Variants in COPG1 observed in about 807,000 individuals in gnomAD.
COPG1 encodes the protein coat protein complex I subunit gamma 1.
COPG1 carries 29 observed loss-of-function variants against 102.8 expected under a neutral mutation model. The ratio of observed to expected loss-of-function variants is 0.28; its 90% CI spans 0.21 to 0.38. The LOEUF (loss-of-function observed/expected upper bound fraction) is 0.38, where lower values mean the gene tolerates loss of function less well. Among genes scored for constraint, COPG1 ranks in the 10% least tolerant of loss-of-function variants. COPG1 has a pLI of 1.00. For synonymous variants in COPG1, 406 were observed against 421.6 expected (o/e 0.96, Z 0.45); for missense variants, 875 against 1,132.7 (o/e 0.77, Z 3.27).
At chr3:129,263,827 T>C in intron 12 of COPG1, 77 bp from the exon 13 acceptor site, 2 of 1,246,022 alleles carry the variant, frequency 1.6e-6, no homozygotes, top group Non-Finnish European at 2.4e-6. Context: ...AAGGAAGGAC[T>C]CAGTGGGCAC....
At chr3:129,259,795 C>A (rs1456187742) in intron 10 of COPG1, among the ~76,000 whole-genome samples, 1 of 152,136 alleles carries the variant, frequency 6.6e-6, no homozygotes, top group Non-Finnish European at 1.5e-5. Flanking sequence ...GGAAATAAAC[C>A]ATTTGTTTAA....
intron 14 of COPG1, among the ~76,000 whole-genome samples, 177 bp downstream of exon 14, chr3:129,265,969 TTTTTG>T (rs1461003230): frequency 1.3e-5 from 2 of 150,366 alleles, no homozygotes; most frequent in African/African-American, 4.9e-5. Flanking sequence ...AGTTCTTTGT[TTTTTG>T]TTTTGTTTTT....
In COPG1 at chr3:129,254,707, G is replaced by T. The variant is rs754427143; in HGVS notation, c.363G>T (p.Arg121=). Residue 121 remains arginine (R), a synonymous_variant, in exon 6 of 24, where the codon CGG becomes CGT. Coordinates refer to ENST00000314797, the MANE Select transcript of COPG1 (RefSeq NM_016128.4). ...KDMTGKEDNY[R]GPAVRALCQI... ...TGACTGGGAAAGAAGACAACTACCG[G>T]GGCCCGGCCGTGCGAGCCCTCTGCC... is the stretch of plus-strand genomic sequence containing the variant. The T allele has an allele frequency of 6.2e-6, 10 of 1,613,996 alleles. No homozygotes were observed. In the East Asian group the frequency reaches 1.8e-4, roughly 29 times the overall value.
chr3:129,259,239 G>A (rs190380540), intron 10 of COPG1, among the ~76,000 whole-genome samples: 48 of 152,178 alleles, frequency 3.2e-4, no homozygotes, highest in Admixed American at 5.9e-4. Flanking sequence ...GAGGCAGGGG[G>A]ATCACCAGGT....
chr3:129,267,027 C>CT lies in COPG1; in HGVS notation c.1473dup (p.Val492CysfsTer12). ...CACATTCGCTTCCTAAACACAGGTGCTGTGAGTGCTCTGGCGAAGTTTGGA... is the reference window on the plus strand; with the variant it reads ...CACATTCGCTTCCTAAACACAGGTGCTTGTGAGTGCTCTGGCGAAGTTTGGA... On this transcript the variant is annotated frameshift_variant, in exon 15 of 24. Coordinates refer to ENST00000314797, the MANE Select transcript of COPG1 (RefSeq NM_016128.4). LOFTEE classifies it high-confidence loss of function. 5 of 1,613,428 alleles carry CT rather than the reference C, an allele frequency of 3.1e-6. No homozygotes were observed. The highest frequency in any genetic ancestry group is 3.4e-6 in the Non-Finnish European group (4 of 1,179,556).
At chr3:129,252,548 G>A (rs904416621) in intron 3 of COPG1, 75 bp from the exon 4 acceptor site, 13 of 1,287,256 alleles carry the variant, frequency 1.0e-5, no homozygotes, top group Middle Eastern at 1.8e-4. Flanking sequence ...CTGGGGATCT[G>A]GTGTGGGCTG....
chr3:129,266,703 G>A (rs1186030548), intron 14 of COPG1, among the ~76,000 whole-genome samples: 5 of 152,128 alleles, frequency 3.3e-5, no homozygotes, highest in Non-Finnish European at 5.9e-5. Context: ...GGATATGGAA[G>A]GTGAGGAGCT....
chr3:129,271,822 G>A lies in COPG1; in HGVS notation c.1899G>A (p.Ser633=). The stretch of plus-strand genomic sequence containing the variant: ...GTCTTGGGCCCCTCTTCAAGTCCTC[G>A]CCTGAGCCCGTGGCCCTCACCGAGT... ...FRGLGPLFKS[S]PEPVALTESE... is the part of the protein sequence containing the mutation. Residue 633 remains serine (S), a synonymous_variant, in exon 19 of 24, where the codon TCG becomes TCA. Coordinates refer to ENST00000314797, the MANE Select transcript of COPG1 (RefSeq NM_016128.4). This position sits in a 1 kb window ranked among gnomAD's most constrained non-coding sequence, Gnocchi z 4.7. 3.1e-6 allele frequency: 5 copies of A among 1,614,178 alleles called. No individual in the cohort carries two copies. The highest frequency in any genetic ancestry group is 1.3e-5 in the African/African-American group (1 of 75,040).
intron 21 of COPG1, chr3:129,274,163 G>C: frequency 2.2e-6 from 1 of 451,068 alleles, no homozygotes; most frequent in Non-Finnish European, 4.4e-6. Flanking sequence ...AGCTGGGTCT[G>C]TTTGAGCCCA....
Position 129,275,232 on chromosome 3 carries a change from C to A in COPG1, c.2434C>A (p.Pro812Thr). ...GNIVKFLGMH[P>T]CERSDKVPDN... ...TATTGTGAAGTTCTTGGGAATGCAC[C>A]CTTGTGAGAGGTCAGACAAAGTGCC... The change falls in exon 23 of 24, where the codon CCT becomes ACT. Residue 812 changes from proline to threonine, a missense_variant. Pro to Thr is a conservative substitution (Grantham distance 38). Transcript: ENST00000314797. The surrounding 1 kb of genome is among the most constrained non-coding windows in gnomAD (Gnocchi z 5.0). 5 of 1,614,018 alleles carry A rather than the reference C, an allele frequency of 3.1e-6. No homozygotes were observed. The highest frequency in any genetic ancestry group is 4.2e-6 in the Non-Finnish European group (5 of 1,180,006).
rs992180825 is a variant in COPG1, at chr3:129,275,609, T to C, written c.2494+317T>C. Among the ~76,000 whole-genome samples the C allele has an allele frequency of 6.6e-6, 1 of 152,198 alleles. No homozygotes were observed. Among genetic ancestry groups the C allele is most frequent in the Non-Finnish European group, 1.5e-5 (1 of 68,040 alleles). On this transcript the variant is annotated intron_variant, in intron 23 of 23. Coordinates refer to ENST00000314797, the MANE Select transcript of COPG1 (RefSeq NM_016128.4). The surrounding 1 kb of genome is among the most constrained non-coding windows in gnomAD (Gnocchi z 5.0). ...CAAATGTTTATGTACAAATGGTATATATATTGTCCTCCGATTTGCTTTTCA... is the reference window on the plus strand; with the variant it reads ...CAAATGTTTATGTACAAATGGTATACATATTGTCCTCCGATTTGCTTTTCA...
At chr3:129,254,826 C>T (rs1370851311) in intron 6 of COPG1, 83 bp downstream of exon 6, 6 of 1,356,960 alleles carry the variant, frequency 4.4e-6, no homozygotes, top group African/African-American at 2.9e-5. Context: ...GGGGTGTCCC[C>T]TATCACTGAG....
rs1939912093 is a variant in COPG1 at position 129,260,822 on chromosome 3, C to T, written c.1128+15C>T. ...ATGAATTCAAGGTACCTGCTACCCC[C>T]AGGACACCCACGGCCCCCAGAGGAA... On this transcript the variant is annotated intron_variant, in intron 12 of 23. Transcript: ENST00000314797. The T allele has an allele frequency of 6.2e-7, 1 of 1,610,750 alleles. No individual in the cohort carries two copies.
In COPG1 at chr3:129,272,231, C is replaced by CT. The variant is rs1560068207; in HGVS notation, c.1987-10dup. On this transcript the variant is annotated splice_polypyrimidine_tract_variant and intron_variant, in intron 19 of 23. Transcript: ENST00000314797. The stretch of plus-strand genomic sequence containing the variant: ...TAGTGCAATGTTTAAGCTCCCCTCT[C>CT]TTTCCTGTTCAGTTTGACTGCACAA... 6.2e-7 allele frequency: 1 copy of CT among 1,612,774 alleles called. No homozygotes were observed. The highest frequency in any genetic ancestry group is 2.2e-5 in the East Asian group (1 of 44,868).
Position 129,254,716 on chromosome 3 carries a change from C to A in COPG1, c.372C>A (p.Ala124=). 1.2e-6 allele frequency: 2 copies of A among 1,614,126 alleles called. No homozygotes were observed. Among genetic ancestry groups the A allele is most frequent in the Middle Eastern group, 3.3e-4 (2 of 6,062 alleles). ...AAGAAGACAACTACCGGGGCCCGGCCGTGCGAGCCCTCTGCCAGATCACTG... is the reference window on the plus strand; with the variant it reads ...AAGAAGACAACTACCGGGGCCCGGCAGTGCGAGCCCTCTGCCAGATCACTG... The part of the protein sequence containing the change: ...TGKEDNYRGP[A]VRALCQITDS... The change falls in exon 6 of 24, where the codon GCC becomes GCA. Residue 124 remains alanine (A), a synonymous_variant. Transcript: ENST00000314797.
rs1939999662 is a variant in COPG1 at position 129,263,931 on chromosome 3, C to T, written c.1156C>T (p.Leu386=). 3 of 1,614,194 alleles carry T rather than the reference C, an allele frequency of 1.9e-6. No individual in the cohort carries two copies. Among genetic ancestry groups the T allele is most frequent in the Non-Finnish European group, 2.5e-6 (3 of 1,180,020 alleles). ...KVVVVQAISA[L]CQKYPRKHAV... ...GGTGGTTGTCCAGGCCATCAGTGCC[C>T]TGTGTCAGAAATATCCTCGCAAACA... The change falls in exon 13 of 24, where the codon CTG becomes TTG. Residue 386 remains leucine, a synonymous_variant. Transcript: ENST00000314797.
chr3:129,256,870 G>A (rs1009490400), intron 8 of COPG1, among the ~76,000 whole-genome samples: 2 of 152,138 alleles, frequency 1.3e-5, no homozygotes, highest in Admixed American at 6.6e-5. Context: ...CCCAAATGTC[G>A]CTCCTTTAGG....
In COPG1 at chr3:129,255,000, G is replaced by A. The variant is rs1202982868; in HGVS notation, c.415G>A (p.Ala139Thr). Residue 139 changes from alanine to threonine, a missense_variant, in exon 7 of 24, where the codon GCT becomes ACT. Coordinates refer to ENST00000314797, the MANE Select transcript of COPG1 (RefSeq NM_016128.4). ...TTGCCCACAGAGCACCATGCTGCAG[G>A]CTATTGAGCGCTACATGAAACAAGC... ...CQITDSTMLQ[A>T]IERYMKQAIV... 2.5e-6 allele frequency: 4 copies of A among 1,614,066 alleles called. No homozygotes were observed. The African/African-American group carries it at 5.3e-5, about 22-fold the overall frequency.
intron 15 of COPG1, 76 bp from the exon 16 acceptor site, chr3:129,267,861 C>G (rs1215495727): frequency 3.9e-5 from 45 of 1,158,036 alleles, no homozygotes; most frequent in Non-Finnish European, 4.9e-5. Flanking sequence ...GGACTTACCT[C>G]TAATGAAGCC....
Sources: gnomAD v4.1 joint callset for allele counts (sites outside exome capture counted in the v4.1 genomes callset) on GRCh38, gnomAD v4.1.1 for gene constraint, Gnocchi (gnomAD v3.1) non-coding constraint, MANE v1.5 for transcripts, NCBI Gene and HGNC (gene_info 2026-07-23, HGNC 2026-07-21) for gene names.